Variants in FNBP4 observed in about 807,000 individuals in gnomAD.
FNBP4 encodes the protein formin-binding protein 4.
A neutral mutation model predicts 119.3 loss-of-function variants in FNBP4; 34 were observed. That is an observed-to-expected ratio of 0.28 (90% CI 0.22 to 0.38). FNBP4 has a LOEUF of 0.38. FNBP4 is among the 10% of genes least tolerant of loss of function. The pLI is 1.00. For synonymous variants in FNBP4, 462 were observed against 430.6 expected, an observed-to-expected ratio of 1.07 and a Z score of -0.90; for missense variants, 1,112 against 1,228.9, an observed-to-expected ratio of 0.90 and a Z score of 1.42.
intron 6 of FNBP4, among the ~76,000 whole-genome samples, chr11:47,749,426 C>T (rs755114808): frequency 1.1e-4 from 17 of 151,818 alleles, no homozygotes; most frequent in Non-Finnish European, 2.1e-4. Context: ...ATTAGTCAGG[C>T]GTTGTGCCTG....
chr11:47,754,442 T>C (rs533371266), intron 3 of FNBP4, 86 bp downstream of exon 3: 17 of 1,309,990 alleles, frequency 1.3e-5, no homozygotes, highest in African/African-American at 4.4e-5. Context: ...GAGGAAGACA[T>C]TGAACTGACA....
At chr11:47,717,559 A>C (rs1301527703) in intron 16 of FNBP4, 47 bp from the exon 17 acceptor site, 35 of 1,314,128 alleles carry the variant, frequency 2.7e-5, no homozygotes, top group Non-Finnish European at 3.5e-5. Context: ...AAAAATTAAC[A>C]AAAGTATTCA....
intron 16 of FNBP4, among the ~76,000 whole-genome samples, chr11:47,719,302 C>T (rs1445782902): frequency 6.6e-6 from 1 of 152,208 alleles, no homozygotes; most frequent in Non-Finnish European, 1.5e-5. Flanking sequence ...TTCTCCCTAT[C>T]CTTTTATTCT....
chr11:47,729,406 T>C, intron 12 of FNBP4: 1 of 985,366 alleles, frequency 1.0e-6, no homozygotes, highest in Non-Finnish European at 1.2e-6. Flanking sequence ...AACATAATGT[T>C]AAATTCAAAC....
chr11:47,723,100 C>G lies in FNBP4; in HGVS notation c.2681G>C (p.Arg894Pro). The change falls in exon 15 of 17, where the codon CGA (arginine) becomes CCA (proline). Residue 894 changes from arginine to proline, a missense_variant. By Grantham distance (103) the Arg-to-Pro change is moderately radical. This residue lies in a region of FNBP4 where 826 missense variants were observed against 988.8 expected (regional missense o/e 0.84). Coordinates refer to ENST00000263773, the MANE Select transcript of FNBP4 (RefSeq NM_015308.5). ...AATGGTAGCGGTAGGCACAGCACCT[C>G]GGGCCTGAACTGGCTGCAATGAGGG... ...TAPSLQPVQA[R>P]GAVPTATIIE... 2 of 1,613,580 alleles carry G rather than the reference C, an allele frequency of 1.2e-6. No homozygotes were observed. Among genetic ancestry groups the G allele is most frequent in the African/African-American group, 2.7e-5 (2 of 74,914 alleles).
intron 2 of FNBP4, among the ~76,000 whole-genome samples, chr11:47,756,295 A>T (rs900417227): frequency 3.9e-5 from 6 of 152,150 alleles, no homozygotes; most frequent in Non-Finnish European, 7.3e-5. Context: ...TTCTAGCTAG[A>T]CTTTTCCAGC....
rs904486158 is a variant in FNBP4, at chr11:47,732,712, T to C, written c.1687-42A>G. ...AATAAGTTAAAGACTTATTATTACA[T>C]GTCAGGAGACACAGGCAAAGGGGAT... On this transcript the variant is annotated intron_variant, in intron 10 of 16. Coordinates refer to ENST00000263773, the MANE Select transcript of FNBP4 (RefSeq NM_015308.5). The surrounding 1 kb of genome is among the most constrained non-coding windows in gnomAD (Gnocchi z 4.2). 2.0e-5 allele frequency: 32 copies of C among 1,594,190 alleles called. No individual in the cohort carries two copies. The highest frequency in any genetic ancestry group is 2.7e-5 in the Non-Finnish European group (31 of 1,162,258).
intron 2 of FNBP4, among the ~76,000 whole-genome samples, chr11:47,754,935 G>A (rs1277198677): frequency 2.6e-5 from 4 of 151,740 alleles, no homozygotes; most frequent in East Asian, 1.9e-4. Flanking sequence ...GAGGTCAGGC[G>A]TTTTGAGACC....
Position 47,746,172 on chromosome 11 carries a change from C to G in FNBP4, c.1129G>C (p.Asp377His), listed in dbSNP as rs369741282. 1 of 1,614,172 alleles carries G rather than the reference C, an allele frequency of 6.2e-7. No individual in the cohort carries two copies. The highest frequency in any genetic ancestry group is 8.5e-7 in the Non-Finnish European group (1 of 1,180,036). The change falls in exon 7 of 17, where the codon GAC (aspartate) becomes CAC (histidine). Residue 377 changes from aspartate to histidine, a missense_variant. Coordinates refer to ENST00000263773, the MANE Select transcript of FNBP4 (RefSeq NM_015308.5). ...TCCTGAGAAGGGTCTTCTATATTGT[C>G]CAACATAATTTCCTGTGGCTTTACT... ...TIVKPQEIMLDNIEDPSQEDL... is the reference protein window; with the variant it reads ...TIVKPQEIMLHNIEDPSQEDL...
Position 47,724,465 on chromosome 11 carries a change from T to C in FNBP4, c.2319+3A>G, listed in dbSNP as rs773111354. 15 of 1,614,122 alleles carry C rather than the reference T, an allele frequency of 9.3e-6. No homozygotes were observed. The South Asian group carries it at 1.6e-4, about 18-fold the overall frequency. On this transcript the variant is annotated splice_donor_region_variant and intron_variant, in intron 13 of 16. Transcript: ENST00000263773. ...ACTCAGAATGCCAAAGGGAATTACTTACCTGGCTAGTTACAACTGTGGTTT... is the reference window on the plus strand; with the variant it reads ...ACTCAGAATGCCAAAGGGAATTACTCACCTGGCTAGTTACAACTGTGGTTT...
chr11:47,724,416 A>T, intron 13 of FNBP4, 52 bp downstream of exon 13: 2 of 1,612,372 alleles, frequency 1.2e-6, no homozygotes, highest in Non-Finnish European at 1.7e-6. Context: ...ACATGGTGTC[A>T]ATCATGTTCC....
chr11:47,744,274 A>G, intron 7 of FNBP4, 111 bp from the exon 8 acceptor site: 1 of 1,096,510 alleles, frequency 9.1e-7, no homozygotes, highest in Non-Finnish European at 1.3e-6. Context: ...GAGAACAGAA[A>G]GCACTTTTTT....
chr11:47,719,827 G>A lies in FNBP4; in HGVS notation c.2963+102C>T, dbSNP rs1006523243. 3 of 1,173,230 alleles carry A rather than the reference G, an allele frequency of 2.6e-6. No homozygotes were observed. The African/African-American group carries it at 4.7e-5, about 18-fold the overall frequency. 72.7% of individuals were successfully genotyped at this position (1,173,230 alleles called of 1,614,324 possible). ...TTACAAGCTGTGATTTTAAGAATAT[G>A]TCTATTCTAATGCATCTATAACAAC... On this transcript the variant is annotated intron_variant, in intron 16 of 16. Coordinates refer to ENST00000263773, the MANE Select transcript of FNBP4 (RefSeq NM_015308.5).
At chr11:47,730,390 G>T (rs1362646009) in intron 12 of FNBP4, among the ~76,000 whole-genome samples, 1 of 152,188 alleles carries the variant, frequency 6.6e-6, no homozygotes, top group African/African-American at 2.4e-5. Context: ...CACTGCAGTT[G>T]TATGTGACCT....
chr11:47,720,189 G>A (rs1393323059), intron 15 of FNBP4, 103 bp from the exon 16 acceptor site: 3 of 1,068,120 alleles, frequency 2.8e-6, no homozygotes, highest in South Asian at 3.6e-5. Flanking sequence ...TAAAGAATAT[G>A]CACACTTTAA....
At chr11:47,739,279 C>T (rs2097578490) in intron 8 of FNBP4, among the ~76,000 whole-genome samples, 1 of 152,078 alleles carries the variant, frequency 6.6e-6, no homozygotes, top group African/African-American at 2.4e-5. Flanking sequence ...GCCTGGCTCT[C>T]CTTTTACCTG....
intron 6 of FNBP4, among the ~76,000 whole-genome samples, chr11:47,747,407 C>T (rs2097592622): frequency 6.6e-6 from 1 of 152,018 alleles, no homozygotes; most frequent in African/African-American, 2.4e-5. Flanking sequence ...AGGGTTTCAC[C>T]ACGTTGGCCA....
Position 47,740,747 on chromosome 11 carries a change from C to T in FNBP4, c.1456+3206G>A, listed in dbSNP as rs566130047. ...AGCTGGGATTACAGGCGAGCACCAC[C>T]AGGTGCAGATAATTTTGTATTTTTA... On this transcript the variant is annotated intron_variant, in intron 8 of 16. Coordinates refer to ENST00000263773, the MANE Select transcript of FNBP4 (RefSeq NM_015308.5). 9.0e-4 allele frequency among the ~76,000 whole-genome samples: 136 copies of T among 151,720 alleles called. 8 individuals carry two copies. The highest frequency in any genetic ancestry group is 3.1e-3 in the African/African-American group (126 of 41,138).
intron 7 of FNBP4, among the ~76,000 whole-genome samples, chr11:47,745,586 C>T (rs1040342979): frequency 6.6e-6 from 1 of 152,036 alleles, no homozygotes; most frequent in Non-Finnish European, 1.5e-5. Context: ...ACATGTGCAC[C>T]GCTGAACATA....
Sources: allele counts gnomAD v4.1 joint callset (sites outside exome capture counted in the v4.1 genomes callset), GRCh38; gene constraint gnomAD v4.1.1; regional missense constraint gnomAD v4.1.1; non-coding constraint Gnocchi (gnomAD v3.1); transcripts MANE v1.5; gene names NCBI Gene and HGNC (gene_info 2026-07-23, HGNC 2026-07-21).